The following KAZN variants were observed in gnomAD, a reference collection of about 807,000 sequenced individuals.
The protein encoded by KAZN is kazrin.
KAZN carries 40 observed loss-of-function variants against 87.4 expected under a neutral mutation model. That is an observed-to-expected ratio of 0.46 (90% confidence interval 0.36 to 0.60). The LOEUF (loss-of-function observed/expected upper bound fraction) is 0.60, where lower values mean the gene tolerates loss of function less well. KAZN is among the 20% of genes least tolerant of loss of function. KAZN has a pLI of 0.00. For synonymous variants in KAZN, 466 were observed against 458.3 expected (o/e 1.02, Z -0.22); for missense variants, 898 against 1,073.9 (o/e 0.84, Z 2.29).
At chr1:13,999,710 A>G (rs1639694419) in intron 1 of KAZN, among the ~76,000 whole-genome samples, 1 of 152,222 alleles carries the variant, frequency 6.6e-6, no homozygotes, top group African/African-American at 2.4e-5. Context: ...ATCAGAGCAG[A>G]ATTGAAGGAG....
chr1:15,064,745 C>T (rs1330654199), intron 7 of KAZN, among the ~76,000 whole-genome samples: 1 of 152,208 alleles, frequency 6.6e-6, no homozygotes, highest in Non-Finnish European at 1.5e-5. Flanking sequence ...CCACATTTTC[C>T]GGACTCTCCC....
At chr1:15,042,726 G>A (rs1202186751) in intron 3 of KAZN, among the ~76,000 whole-genome samples, 1 of 152,206 alleles carries the variant, frequency 6.6e-6, no homozygotes, top group Non-Finnish European at 1.5e-5. Flanking sequence ...CAGCCACAGA[G>A]AAAAGGCCAC....
chr1:14,582,803 T>C (rs1023852345), intron 2 of KAZN, among the ~76,000 whole-genome samples: 5 of 152,258 alleles, frequency 3.3e-5, no homozygotes, highest in African/African-American at 1.2e-4. Flanking sequence ...ATCTTTATTA[T>C]GTGAAGTTAA....
chr1:13,907,897 G>A (rs956416168), intron 1 of KAZN, among the ~76,000 whole-genome samples: 7 of 152,220 alleles, frequency 4.6e-5, no homozygotes, highest in African/African-American at 9.6e-5. Context: ...TGTGTAGTTC[G>A]TAGAGAAAAA....
intron 1 of KAZN, among the ~76,000 whole-genome samples, chr1:13,974,335 A>C (rs1642236234): frequency 6.6e-6 from 1 of 151,788 alleles, no homozygotes. Flanking sequence ...GGAACTGTTT[A>C]AGATGTAAGT....
chr1:14,109,028 G>A (rs1379549391), intron 1 of KAZN, among the ~76,000 whole-genome samples: 8 of 152,190 alleles, frequency 5.3e-5, no homozygotes, highest in African/African-American at 9.7e-5. Flanking sequence ...CAATGTGGCC[G>A]AGCTCGCATC....
intron 2 of KAZN, among the ~76,000 whole-genome samples, chr1:14,421,003 T>A (rs1039980639): frequency 2.0e-5 from 3 of 151,664 alleles, no homozygotes; most frequent in African/African-American, 7.3e-5. Flanking sequence ...GCTGAAGGGC[T>A]CCTCAAGCGC....
chr1:14,352,477 C>G (rs772182637), intron 2 of KAZN, among the ~76,000 whole-genome samples: 5 of 152,126 alleles, frequency 3.3e-5, no homozygotes, highest in Non-Finnish European at 7.4e-5. Flanking sequence ...ACTCTGAACC[C>G]TATAAAAAGC....
At chr1:15,025,416 C>T (rs1434095150) in intron 2 of KAZN, among the ~76,000 whole-genome samples, 2 of 152,170 alleles carry the variant, frequency 1.3e-5, no homozygotes, top group East Asian at 3.9e-4. Flanking sequence ...ACAGCGCTGA[C>T]CAGAATAGTT....
intron 1 of KAZN, among the ~76,000 whole-genome samples, chr1:14,638,808 G>A (rs148357520): frequency 0.013 from 2,053 of 152,156 alleles, 22 homozygotes; most frequent in Non-Finnish European, 0.024. Flanking sequence ...ACAGACAGCA[G>A]CACCTCCCCT....
In KAZN at chr1:14,589,761, T is replaced by C. The variant is rs116179002; in HGVS notation, c.250-9222T>C. Among the ~76,000 whole-genome samples the C allele has an allele frequency of 9.2e-3, 1,401 of 152,284 alleles. 25 individuals are homozygous for C. The highest frequency in any genetic ancestry group is 0.031 in the African/African-American group (1,295 of 41,546). Reference sequence around the variant, plus strand: ...GGTCTTGTGGTACCTAATATAATGTTTCCTCTGTGGCCTTGAATGGGGGCT... The same window carrying C: ...GGTCTTGTGGTACCTAATATAATGTCTCCTCTGTGGCCTTGAATGGGGGCT... On this transcript the variant is annotated intron_variant, in intron 2 of 16. Transcript: ENST00000636203.
intron 1 of KAZN, among the ~76,000 whole-genome samples, chr1:13,985,878 G>T (rs1638991441): frequency 6.6e-6 from 1 of 152,166 alleles, no homozygotes; most frequent in Non-Finnish European, 1.5e-5. Flanking sequence ...TTAATTTCCA[G>T]ATAATATTCC....
intron 2 of KAZN, among the ~76,000 whole-genome samples, chr1:14,420,044 T>G (rs1044036339): frequency 8.5e-5 from 13 of 152,336 alleles, no homozygotes; most frequent in Admixed American, 2.6e-4. Flanking sequence ...TTGGTCCATT[T>G]TACAGAGAGC....
intron 2 of KAZN, among the ~76,000 whole-genome samples, chr1:14,514,576 T>TCATATATAATATATGAAA (rs1557770326): frequency 8.1e-5 from 10 of 123,614 alleles, no homozygotes; most frequent in South Asian, 6.9e-4. Context: ...TCTATATATT[T>TCATATATAATATATGAAA]TATATATTTT....
chr1:14,222,244 C>T (rs944726409), intron 2 of KAZN: 3 of 152,068 alleles, frequency 2.0e-5, no homozygotes, highest in African/African-American at 7.2e-5. Context: ...TAAGATTATT[C>T]GTGGGGGATT....
At chr1:14,048,413 T>C (rs1357700161) in intron 1 of KAZN, among the ~76,000 whole-genome samples, 1 of 150,548 alleles carries the variant, frequency 6.6e-6, no homozygotes, top group Non-Finnish European at 1.5e-5. Context: ...TTTTTTTTCC[T>C]TTTTTTCTGA....
At chr1:14,324,163 T>C (rs752761499) in intron 2 of KAZN, among the ~76,000 whole-genome samples, 1 of 152,194 alleles carries the variant, frequency 6.6e-6, no homozygotes, top group Admixed American at 6.5e-5. Flanking sequence ...ATTTGCCAAA[T>C]GTTTACTACT....
intron 1 of KAZN, among the ~76,000 whole-genome samples, chr1:13,990,923 T>C (rs1639252287): frequency 6.6e-6 from 1 of 152,316 alleles, no homozygotes; most frequent in South Asian, 2.1e-4. Context: ...TAATAAGATA[T>C]TAAGAAAATA....
chr1:14,576,760 C>T (rs550038869), intron 2 of KAZN, among the ~76,000 whole-genome samples: 32 of 152,046 alleles, frequency 2.1e-4, no homozygotes, highest in African/African-American at 7.5e-4. Context: ...TGCTTATGAA[C>T]AGGTTATTTC....
Sources: gnomAD v4.1 joint callset for allele counts (sites outside exome capture counted in the v4.1 genomes callset) on GRCh38, gnomAD v4.1.1 for gene constraint, MANE v1.5 for transcripts, NCBI Gene and HGNC (gene_info 2026-07-23, HGNC 2026-07-21) for gene names.